Variants in KCNIP4 observed in about 807,000 individuals in gnomAD.
The protein encoded by KCNIP4 is Kv channel-interacting protein 4.
In KCNIP4, 12 loss-of-function variants were observed where a neutral mutation model predicts 34.0. That is an observed-to-expected ratio of 0.35 (90% CI 0.23 to 0.57). The LOEUF is 0.57. Among genes scored for constraint, KCNIP4 ranks in the 20% least tolerant of loss-of-function variants. KCNIP4 has a pLI of 0.83. For synonymous variants in KCNIP4, 124 were observed against 102.2 expected, an observed-to-expected ratio of 1.21 and a Z score of -1.29; for missense variants, 238 against 311.7, an observed-to-expected ratio of 0.76 and a Z score of 1.78.
chr4:20,948,330 A>G (rs991131587), intron 1 of KCNIP4, among the ~76,000 whole-genome samples: 2 of 152,244 alleles, frequency 1.3e-5, no homozygotes, highest in African/African-American at 4.8e-5. Context: ...TTTCTAGTTC[A>G]ATTTGACAAT....
intron 1 of KCNIP4, among the ~76,000 whole-genome samples, chr4:21,140,562 A>C (rs963265055): frequency 6.6e-6 from 1 of 152,092 alleles, no homozygotes; most frequent in Non-Finnish European, 1.5e-5. Context: ...CCTCCAACGC[A>C]CCCCGCTATT....
At chr4:21,149,208 A>G (rs1176126225) in intron 1 of KCNIP4, among the ~76,000 whole-genome samples, 1 of 152,244 alleles carries the variant, frequency 6.6e-6, no homozygotes, top group Non-Finnish European at 1.5e-5. Context: ...TAAACAATTT[A>G]GCAAAACCCT....
At chr4:21,200,547 C>G (rs888755166) in intron 1 of KCNIP4, among the ~76,000 whole-genome samples, 1 of 151,612 alleles carries the variant, frequency 6.6e-6, no homozygotes, top group Admixed American at 6.6e-5. Context: ...AATGGAAAAC[C>G]AATATTGCAT....
chr4:21,572,619 C>T (rs1331339783), intron 1 of KCNIP4, among the ~76,000 whole-genome samples: 1 of 151,606 alleles, frequency 6.6e-6, no homozygotes, highest in African/African-American at 2.4e-5. Context: ...CATGGATCCA[C>T]AAAGATCTCT....
intron 1 of KCNIP4, among the ~76,000 whole-genome samples, chr4:21,650,278 T>C (rs1329275474): frequency 6.6e-6 from 1 of 152,258 alleles, no homozygotes; most frequent in Non-Finnish European, 1.5e-5. Flanking sequence ...ACTTTGTCCT[T>C]GTTCCAGTGA....
At chr4:21,450,265 A>C (rs1728403923) in intron 1 of KCNIP4, among the ~76,000 whole-genome samples, 1 of 152,172 alleles carries the variant, frequency 6.6e-6, no homozygotes, top group South Asian at 2.1e-4. Context: ...ACTTCTGACT[A>C]TACTATAGTA....
intron 1 of KCNIP4, among the ~76,000 whole-genome samples, chr4:21,106,929 G>A (rs1429261836): frequency 6.6e-6 from 1 of 151,290 alleles, no homozygotes; most frequent in Non-Finnish European, 1.5e-5. Context: ...TCTTAATCCT[G>A]AGTTCTAGTT....
intron 1 of KCNIP4, among the ~76,000 whole-genome samples, chr4:21,527,474 A>C (rs1334210193): frequency 1.3e-5 from 2 of 152,154 alleles, no homozygotes; most frequent in Non-Finnish European, 2.9e-5. Flanking sequence ...ACTTGGTTCA[A>C]ATTCTGGTCC....
chr4:21,134,136 A>C (rs188171500), intron 1 of KCNIP4, among the ~76,000 whole-genome samples: 26 of 152,238 alleles, frequency 1.7e-4, no homozygotes, highest in Admixed American at 1.5e-3. Flanking sequence ...TTTGAACAAC[A>C]TGGGTTTGAA....
chr4:21,821,041 T>G (rs1430199628), intron 1 of KCNIP4, among the ~76,000 whole-genome samples: 4 of 152,280 alleles, frequency 2.6e-5, no homozygotes, highest in Admixed American at 2.6e-4. Flanking sequence ...TTGTTGCTAT[T>G]TGAGGAAAAG....
chr4:21,912,792 T>C lies in KCNIP4; in HGVS notation c.61+35779A>G, dbSNP rs1218094393. ...GAGAGGTAGAAGACAGATCATATAT[T>C]ACATTATATGTTTTATATAATATAA... On this transcript the variant is annotated intron_variant, in intron 1 of 8. Transcript: ENST00000382152. Among the ~76,000 whole-genome samples, 4 of 150,582 alleles carry C rather than the reference T, an allele frequency of 2.7e-5. No individual in the cohort carries two copies. In the South Asian group the frequency reaches 8.3e-4, roughly 31 times the overall value.
chr4:21,259,657 A>C (rs1240767247), intron 1 of KCNIP4, among the ~76,000 whole-genome samples: 1 of 152,182 alleles, frequency 6.6e-6, no homozygotes, highest in African/African-American at 2.4e-5. Context: ...AATGAAGAAA[A>C]GCATTACCTT....
intron 1 of KCNIP4, among the ~76,000 whole-genome samples, chr4:21,885,335 G>A (rs1156643351): frequency 5.3e-5 from 8 of 152,002 alleles, no homozygotes; most frequent in East Asian, 3.9e-4. Context: ...TGTTCTATTC[G>A]TGAAAAAAGT....
intron 1 of KCNIP4, among the ~76,000 whole-genome samples, chr4:21,244,365 A>C (rs1053541761): frequency 2.0e-5 from 3 of 152,198 alleles, no homozygotes. Context: ...GTCACTCCTA[A>C]AACAGTTTCA....
chr4:21,242,423 C>T (rs1253920957), intron 1 of KCNIP4, among the ~76,000 whole-genome samples: 1 of 152,066 alleles, frequency 6.6e-6, no homozygotes, highest in African/African-American at 2.4e-5. Flanking sequence ...TAATAATAGT[C>T]ATGGTGGTTA....
chr4:20,883,973 C>G (rs536446361), intron 1 of KCNIP4, among the ~76,000 whole-genome samples: 2 of 152,316 alleles, frequency 1.3e-5, no homozygotes, highest in East Asian at 3.9e-4. Flanking sequence ...CAGCCACTCT[C>G]TCTGCTTTCT....
intron 1 of KCNIP4, among the ~76,000 whole-genome samples, chr4:21,205,451 C>T (rs185870756): frequency 1.4e-4 from 22 of 152,200 alleles, no homozygotes; most frequent in African/African-American, 1.7e-4. Context: ...CATACATGAT[C>T]CCATTTATCT....
intron 1 of KCNIP4, among the ~76,000 whole-genome samples, chr4:20,988,836 A>C (rs558765600): frequency 6.6e-6 from 1 of 152,348 alleles, no homozygotes; most frequent in African/African-American, 2.4e-5. Flanking sequence ...GGCAGGGGAT[A>C]GATGTATGAA....
At chr4:20,742,673 C>T (rs1000602259) in intron 5 of KCNIP4, among the ~76,000 whole-genome samples, 2 of 152,180 alleles carry the variant, frequency 1.3e-5, no homozygotes, top group Admixed American at 6.5e-5. Context: ...GATGCCCTCT[C>T]TCACCACTCC....
Sources: allele counts gnomAD v4.1 joint callset (sites outside exome capture counted in the v4.1 genomes callset), GRCh38; gene constraint gnomAD v4.1.1; transcripts MANE v1.5; gene names NCBI Gene and HGNC (gene_info 2026-07-23, HGNC 2026-07-21).